The following AKAP17A variants were observed in gnomAD, a reference collection of about 807,000 sequenced individuals.
AKAP17A encodes the protein A-kinase anchor protein 17A.
Under a neutral mutation model 52.2 loss-of-function variants are expected in AKAP17A, and 15 were observed. That is an observed-to-expected ratio of 0.29 (90% CI 0.19 to 0.44). The LOEUF (loss-of-function observed/expected upper bound fraction) is 0.44. Among genes scored for constraint, AKAP17A ranks in the 20% least tolerant of loss-of-function variants. The probability of loss-of-function intolerance (pLI) is 1.00; values close to 1 mark genes in which losing one functional copy is unlikely to be tolerated. For synonymous variants in AKAP17A, 514 were observed against 424.7 expected (o/e 1.21, Z -2.58); for missense variants, 1,060 against 1,007.0 (o/e 1.05, Z -0.71).
intron 2 of AKAP17A, 59 bp from the exon 3 acceptor site, chrX:1,595,325 G>A (rs1185568269): frequency 1.0e-5 from 16 of 1,607,622 alleles, no homozygotes; most frequent in Non-Finnish European, 1.3e-5. Flanking sequence ...GAGGGCGCCT[G>A]GCCGTGTGTC....
rs1313675193 is a variant in AKAP17A, at chrX:1,595,235, C to T, written c.763-149C>T. On this transcript the variant is annotated intron_variant, in intron 2 of 4. Transcript: ENST00000313871. ...GGCTTCTGGGCTCCACTGTCTGGGT[C>T]TGCACCGGACATGAGTGGTGAGCGG... 4.2e-4 allele frequency: 77 copies of T among 183,656 alleles called. 19 individuals carry two copies. The highest frequency in any genetic ancestry group is 5.1e-4 in the Non-Finnish European group (68 of 132,460). The allele number at this position is 183,656 out of a possible 1,614,324, so 11.4% of individuals were successfully genotyped here. A position where few individuals can be genotyped will look rare whatever the true frequency, so the allele number is the denominator to read the frequency against.
In AKAP17A at chrX:1,596,226, T is replaced by TAAA. The variant is rs561491812; in HGVS notation, c.911+709_911+711dup. 5.3e-3 allele frequency among the ~76,000 whole-genome samples: 711 copies of TAAA among 133,886 alleles called. 6 individuals are homozygous for TAAA. Among genetic ancestry groups the TAAA allele is most frequent in the African/African-American group, 0.017 (597 of 35,472 alleles). The allele number at this position is 133,886 out of a possible 152,430, so 87.8% of individuals were successfully genotyped here. ...GAGGGTTGATGGTGATGGCCAGATT[T>TAAA]AAAAAAAAAAAAAAAAACAAAAAAC... On this transcript the variant is annotated intron_variant, in intron 3 of 4. Coordinates refer to ENST00000313871, the MANE Select transcript of AKAP17A (RefSeq NM_005088.3).
intron 4 of AKAP17A, chrX:1,599,756 G>GC: frequency 1.6e-6 from 1 of 611,590 alleles, no homozygotes; most frequent in Non-Finnish European, 2.9e-6. Flanking sequence ...AGTGCAGGGG[G>GC]CCGCTCCCTC....
chrX:1,592,070 G>A (rs1387683077), intron 1 of AKAP17A, among the ~76,000 whole-genome samples: 30 of 152,036 alleles, frequency 2.0e-4, no homozygotes, highest in African/African-American at 7.2e-4. Flanking sequence ...GTGTCGGAGG[G>A]CTGGGAGCTC....
rs1319421568 is a variant in AKAP17A, at chrX:1,600,835, G to A, written c.1329G>A (p.Leu443=). Reference sequence around the variant, plus strand: ...GCGAGCGGCTGCTGAGCATCCTGCTGAGCAAGAAGCCGGACGACAGCCACA... The same window carrying A: ...GCGAGCGGCTGCTGAGCATCCTGCTAAGCAAGAAGCCGGACGACAGCCACA... ...ELRERLLSIL[L]SKKPDDSHTH... Residue 443 remains leucine (L), a synonymous_variant, in exon 5 of 5, where the codon CTG becomes CTA. Transcript: ENST00000313871. The A allele has an allele frequency of 6.3e-7, 1 of 1,592,682 alleles. No homozygotes were observed. The highest frequency in any genetic ancestry group is 1.7e-5 in the Admixed American group (1 of 57,546).
chrX:1,601,141 C>A lies in AKAP17A; in HGVS notation c.1635C>A (p.Gly545=). 1 of 1,613,896 alleles carries A rather than the reference C, an allele frequency of 6.2e-7. No homozygotes were observed. The highest frequency in any genetic ancestry group is 1.7e-4 in the Middle Eastern group (1 of 6,056). ...CTCCAGAGAAGAGGTGCCCGGGCGG[C>A]GTCCTCTCCTGCATTCCTGACAACA... The part of the protein sequence containing the change: ...DGSPEKRCPG[G]VLSCIPDNNQ... Residue 545 remains glycine (G), a synonymous_variant, in exon 5 of 5, where the codon GGC becomes GGA. Coordinates refer to ENST00000313871, the MANE Select transcript of AKAP17A (RefSeq NM_005088.3).
chrX:1,599,505 C>G (rs776530516), intron 4 of AKAP17A, 73 bp downstream of exon 4: 2 of 1,545,102 alleles, frequency 1.3e-6, no homozygotes, highest in Non-Finnish European at 1.8e-6. Flanking sequence ...GAAATGCGGG[C>G]GGCGTCACGG....
rs764563546 is a variant in AKAP17A at position 1,595,679 on chromosome X, C to T, written c.911+147C>T. ...TTGTGTGTGTACCTGTGTGCATGGA[C>T]GCACGTGTGCCTGTGAACCGGTGTG... is the stretch of plus-strand genomic sequence containing the variant. On this transcript the variant is annotated intron_variant, in intron 3 of 4. Transcript: ENST00000313871. 1.2e-5 allele frequency: 15 copies of T among 1,276,926 alleles called. No individual in the cohort carries two copies. The African/African-American group carries it at 1.2e-4, about 10-fold the overall frequency. 79.1% of individuals were successfully genotyped at this position (1,276,926 alleles called of 1,614,324 possible).
chrX:1,595,698 C>T (rs1382370582), intron 3 of AKAP17A, among the ~76,000 whole-genome samples, 166 bp downstream of exon 3: 3 of 151,544 alleles, frequency 2.0e-5, no homozygotes, highest in Admixed American at 1.3e-4. Flanking sequence ...GCCTGTGAAC[C>T]GGTGTGTGTA....
chrX:1,593,807 C>G lies in AKAP17A; in HGVS notation c.345C>G (p.Ala115=). The change falls in exon 2 of 5, where the codon GCC becomes GCG. Residue 115 remains alanine (A), a synonymous_variant. Coordinates refer to ENST00000313871, the MANE Select transcript of AKAP17A (RefSeq NM_005088.3). The part of the protein sequence containing the change: ...GFSDILKVRA[A]EFKIDFPTRH... Reference sequence around the variant, plus strand: ...CCGACATCCTGAAGGTGCGCGCGGCCGAGTTCAAGATCGACTTCCCCACCC... The same window carrying G: ...CCGACATCCTGAAGGTGCGCGCGGCGGAGTTCAAGATCGACTTCCCCACCC... 6.2e-7 allele frequency: 1 copy of G among 1,612,834 alleles called. No individual in the cohort carries two copies. Among genetic ancestry groups the G allele is most frequent in the Non-Finnish European group, 8.5e-7 (1 of 1,179,374 alleles).
At chrX:1,600,190 CCCAGT>C in intron 4 of AKAP17A, 1 of 1,309,090 alleles carries the variant, frequency 7.6e-7, no homozygotes, top group Non-Finnish European at 1.0e-6. Context: ...CATGTGGCAG[CCCAGT>C]CCTTACCTCA....
chrX:1,599,753 G>A (rs1933250532), intron 4 of AKAP17A: 1 of 615,380 alleles, frequency 1.6e-6, no homozygotes, highest in Non-Finnish European at 2.9e-6. Flanking sequence ...GAGAGTGCAG[G>A]GGGCCGCTCC....
At chrX:1,598,686 G>A (rs867300376) in intron 3 of AKAP17A, among the ~76,000 whole-genome samples, 15 of 152,280 alleles carry the variant, frequency 9.9e-5, no homozygotes, top group Admixed American at 3.3e-4. Context: ...GAGCTGAGTG[G>A]CGTGGCTGTG....
chrX:1,600,987 G>A lies in AKAP17A; in HGVS notation c.1481G>A (p.Gly494Asp), dbSNP rs1355741534. 6.3e-7 allele frequency: 1 copy of A among 1,599,982 alleles called. No individual in the cohort carries two copies. Among genetic ancestry groups the A allele is most frequent in the African/African-American group, 1.3e-5 (1 of 74,588 alleles). The stretch of plus-strand genomic sequence containing the variant: ...CCCCTCGGGGGCCAGCCCCCGGCCG[G>A]TGCCCCCAAGGAGAGCCCGGCCCAC... ...LHPLGGQPPAGAPKESPAHPE... is the reference protein window; with the variant it reads ...LHPLGGQPPADAPKESPAHPE... The change falls in exon 5 of 5, where the codon GGT (glycine) becomes GAT (aspartate). Residue 494 changes from glycine (G) to aspartate (D), a missense_variant. By Grantham distance (94) the Gly-to-Asp change is moderately conservative (BLOSUM62 -1). Coordinates refer to ENST00000313871, the MANE Select transcript of AKAP17A (RefSeq NM_005088.3).
rs777883264 is a variant in AKAP17A, at chrX:1,594,027, A to G, written c.565A>G (p.Ile189Val). 1.2e-6 allele frequency: 2 copies of G among 1,609,584 alleles called. No individual in the cohort carries two copies. Among genetic ancestry groups the G allele is most frequent in the Non-Finnish European group, 1.7e-6 (2 of 1,177,842 alleles). ...EKFGEIRNVD[I>V]PMLDPYREEM... ...GTTCGGGGAGATCCGGAATGTGGACATCCCCATGCTGGACCCCTACCGGGA... is the reference window on the plus strand; with the variant it reads ...GTTCGGGGAGATCCGGAATGTGGACGTCCCCATGCTGGACCCCTACCGGGA... The change falls in exon 2 of 5, where the codon ATC (isoleucine) becomes GTC (valine). Residue 189 changes from isoleucine (I) to valine (V), a missense_variant. By Grantham distance (29) the Ile-to-Val change is conservative (BLOSUM62 3). Around this residue, in one of 2 missense-constraint regions of AKAP17A, gnomAD observed 267 missense variants for 377.1 expected, o/e 0.71. Coordinates refer to ENST00000313871, the MANE Select transcript of AKAP17A (RefSeq NM_005088.3).
rs755544734 is a variant in AKAP17A, at chrX:1,594,158, C to T, written c.696C>T (p.Ser232=). The T allele has an allele frequency of 2.8e-5, 45 of 1,602,842 alleles. No individual in the cohort carries two copies. Among genetic ancestry groups the T allele is most frequent in the African/African-American group, 2.3e-4 (17 of 74,654 alleles). ...ACATGGGCTTCATCCAGGCCATGAG[C>T]GCCCTGCGCGGGATGAAACTCATGT... is the stretch of plus-strand genomic sequence containing the variant. ...REYMGFIQAM[S]ALRGMKLMYK... is the part of the protein sequence containing the mutation. Residue 232 remains serine, a synonymous_variant, in exon 2 of 5, where the codon AGC becomes AGT. Coordinates refer to ENST00000313871, the MANE Select transcript of AKAP17A (RefSeq NM_005088.3).
chrX:1,593,686 A>G lies in AKAP17A; in HGVS notation c.224A>G (p.Asp75Gly). Residue 75 changes from aspartate to glycine, a missense_variant, in exon 2 of 5, where the codon GAC becomes GGC. Physicochemically the swap from Asp to Gly is moderately conservative, Grantham distance 94. This residue lies in a region of AKAP17A where 267 missense variants were observed against 377.1 expected (regional missense o/e 0.71). Transcript: ENST00000313871. ...CTGCGTATTTCCAAGAGCACCATGGACTTCATCCGCTTCGAGGGGGAGGTG... is the reference window on the plus strand; with the variant it reads ...CTGCGTATTTCCAAGAGCACCATGGGCTTCATCCGCTTCGAGGGGGAGGTG... ...STLRISKSTM[D>G]FIRFEGEVEN... 1 of 1,613,920 alleles carries G rather than the reference A, an allele frequency of 6.2e-7. No individual in the cohort carries two copies. Among genetic ancestry groups the G allele is most frequent in the Non-Finnish European group, 8.5e-7 (1 of 1,179,858 alleles).
At chrX:1,598,765 A>G (rs1933169429) in intron 3 of AKAP17A, among the ~76,000 whole-genome samples, 1 of 152,194 alleles carries the variant, frequency 6.6e-6, no homozygotes, top group East Asian at 1.9e-4. Flanking sequence ...AGTCCTGCAC[A>G]ACAAGGAGTC....
Position 1,601,952 on chromosome X carries a change from G to A in AKAP17A, c.*358G>A, listed in dbSNP as rs750862706. On this transcript the variant is annotated 3_prime_UTR_variant, in exon 5 of 5. Transcript: ENST00000313871. ...ACGGGGATTTCTGTGTCTGCTTGGC[G>A]ACCTCCCTGCGTGCACGGCCTAGGA... 4.7e-5 allele frequency: 12 copies of A among 254,302 alleles called. No homozygotes were observed. Among genetic ancestry groups the A allele is most frequent in the South Asian group, 1.7e-4 (1 of 5,872 alleles). The allele number at this position is 254,302 out of a possible 1,614,324, so 15.8% of individuals were successfully genotyped here. A position where few individuals can be genotyped will look rare whatever the true frequency, so the allele number is the denominator to read the frequency against.
Sources: allele counts gnomAD v4.1 joint callset (sites outside exome capture counted in the v4.1 genomes callset), GRCh38; gene constraint gnomAD v4.1.1; regional missense constraint gnomAD v4.1.1; transcripts MANE v1.5; gene names NCBI Gene and HGNC (gene_info 2026-07-23, HGNC 2026-07-21).